The following BPIFB6 variants were observed in gnomAD, a reference collection of about 807,000 sequenced individuals.
The protein encoded by BPIFB6 is BPI fold containing family B member 6.
BPIFB6 carries 47 observed loss-of-function variants against 54.7 expected under a neutral mutation model. The ratio of observed to expected loss-of-function variants is 0.86; its 90% CI spans 0.68 to 1.10. The LOEUF is 1.10. BPIFB6 is among the 50% of genes least tolerant of loss of function. BPIFB6 has a pLI of 0.00. For missense variants in BPIFB6, 603 were observed against 564.1 expected (o/e 1.07, Z -0.70); for synonymous variants, 255 against 225.9 (o/e 1.13, Z -1.16).
chr20:33,033,188 G>A lies in BPIFB6; in HGVS notation c.197+105G>A. On this transcript the variant is annotated intron_variant, in intron 2 of 14. Transcript: ENST00000349552. ...CCAGGTAATGGAGCTGGTGAGGGAT[G>A]TGGGGTCTCTTCCCTGCCTTGTGCT... 7 of 866,152 alleles carry A rather than the reference G, an allele frequency of 8.1e-6. No homozygotes were observed. The South Asian group carries it at 9.8e-5, about 12-fold the overall frequency. The allele number at this position is 866,152 out of a possible 1,614,324, so 53.7% of individuals were successfully genotyped here.
chr20:33,038,768 C>T, intron 8 of BPIFB6, 141 bp from the exon 9 acceptor site: 1 of 821,616 alleles, frequency 1.2e-6, no homozygotes, highest in Non-Finnish European at 2.1e-6. Context: ...CCAGAAGGCA[C>T]AATATTTAGT....
At chr20:33,035,580 C>T in intron 5 of BPIFB6, 32 bp from the exon 6 acceptor site, 2 of 1,608,164 alleles carry the variant, frequency 1.2e-6, no homozygotes, top group Non-Finnish European at 1.7e-6. Flanking sequence ...CATGCAGGGA[C>T]CCTCTCAGCC....
intron 8 of BPIFB6, 108 bp downstream of exon 8, chr20:33,037,846 A>T: frequency 8.0e-7 from 1 of 1,255,396 alleles, no homozygotes; most frequent in Non-Finnish European, 1.1e-6. Context: ...CAACACTAGG[A>T]CTGGAAGATG....
chr20:33,037,559 T>C lies in BPIFB6; in HGVS notation c.670-3T>C, dbSNP rs1303091457. 3 of 1,607,668 alleles carry C rather than the reference T, an allele frequency of 1.9e-6. No individual in the cohort carries two copies. Among genetic ancestry groups the C allele is most frequent in the African/African-American group, 2.7e-5 (2 of 74,794 alleles). ...TGAGTGTCTCCCTCCTGCTGCCCCA[T>C]AGCCTGTGGTGCAGCAGCAAAAGGG... On this transcript the variant is annotated splice_region_variant and splice_polypyrimidine_tract_variant and intron_variant, in intron 7 of 14. Coordinates refer to ENST00000349552, the MANE Select transcript of BPIFB6 (RefSeq NM_174897.2).
chr20:33,037,877 C>A, intron 8 of BPIFB6, 139 bp downstream of exon 8: 1 of 888,112 alleles, frequency 1.1e-6, no homozygotes, highest in African/African-American at 1.7e-5. Context: ...TTGAGTTTCT[C>A]TCAGCAGTTC....
intron 8 of BPIFB6, 121 bp from the exon 9 acceptor site, chr20:33,038,788 A>G: frequency 2.2e-6 from 2 of 926,162 alleles, no homozygotes; most frequent in Non-Finnish European, 1.8e-6. Context: ...TTAAACTCAG[A>G]GCGTTAAGTA....
Position 33,037,606 on chromosome 20 carries a change from T to C in BPIFB6, c.714T>C (p.Asp238=), listed in dbSNP as rs377728356. The part of the protein sequence containing the change: ...QQKGKTIKLA[D]AGEALTFPEG... ...AGGGCAAAACCATCAAGCTTGCTGATGCCGGGGAGGCCCTCACGTTCCCTG... is the reference window on the plus strand; with the variant it reads ...AGGGCAAAACCATCAAGCTTGCTGACGCCGGGGAGGCCCTCACGTTCCCTG... Residue 238 remains aspartate, a synonymous_variant, in exon 8 of 15, where the codon GAT becomes GAC. Transcript: ENST00000349552. The C allele has an allele frequency of 2.4e-4, 380 of 1,613,890 alleles. No individual in the cohort carries two copies. Among genetic ancestry groups the C allele is most frequent in the Non-Finnish European group, 3.1e-4 (368 of 1,179,910 alleles).
intron 6 of BPIFB6, 124 bp downstream of exon 6, chr20:33,035,796 G>C (rs1440616177): frequency 9.8e-7 from 1 of 1,018,256 alleles, no homozygotes; most frequent in Non-Finnish European, 1.5e-6. Flanking sequence ...GGAGGCTTGA[G>C]GTCATGATGT....
Position 33,043,941 on chromosome 20 carries a change from G to A in BPIFB6, c.1330-74G>A, listed in dbSNP as rs1000774404. On this transcript the variant is annotated intron_variant, in intron 14 of 14. Coordinates refer to ENST00000349552, the MANE Select transcript of BPIFB6 (RefSeq NM_174897.2). ...CACTGGTTTCCATTTCCTGACAAGG[G>A]GCCCAGTTCCATTCCATCCCTGGGC... The A allele has an allele frequency of 5.8e-6, 9 of 1,562,516 alleles. No homozygotes were observed. In the African/African-American group the frequency reaches 9.5e-5, roughly 16 times the overall value.
chr20:33,033,388 A>G, intron 2 of BPIFB6: 1 of 486,922 alleles, frequency 2.1e-6, no homozygotes, highest in Non-Finnish European at 4.1e-6. Flanking sequence ...AATGTACGTG[A>G]AATTAAATGA....
At chr20:33,035,193 G>A (rs767667758) in intron 5 of BPIFB6, 49 bp downstream of exon 5, 5 of 1,569,706 alleles carry the variant, frequency 3.2e-6, no homozygotes, top group Non-Finnish European at 4.4e-6. Flanking sequence ...GGACTGCTTA[G>A]GCCAGGGCTG....
intron 2 of BPIFB6, 50 bp from the exon 3 acceptor site, chr20:33,034,136 G>C (rs781197234): frequency 7.3e-7 from 1 of 1,364,674 alleles, no homozygotes; most frequent in South Asian, 1.2e-5. Flanking sequence ...TGGAGGTCCT[G>C]GGTCTTGCCT....
chr20:33,043,867 CT>C, intron 14 of BPIFB6, 147 bp from the exon 15 acceptor site: 1 of 965,464 alleles, frequency 1.0e-6, no homozygotes, highest in Non-Finnish European at 1.6e-6. Flanking sequence ...GTGAAGTGAC[CT>C]CTCCAGGGTC....
At chr20:33,040,174 G>T (rs763746717) in intron 10 of BPIFB6, 77 bp from the exon 11 acceptor site, 59 of 1,288,366 alleles carry the variant, frequency 4.6e-5, no homozygotes, top group Non-Finnish European at 6.2e-5. Flanking sequence ...TGCTGGGAGG[G>T]TGGTGGTCTC....
chr20:33,033,946 A>G (rs923734745), intron 2 of BPIFB6, among the ~76,000 whole-genome samples: 4 of 152,212 alleles, frequency 2.6e-5, no homozygotes, highest in African/African-American at 4.8e-5. Flanking sequence ...GCCCAAGGTC[A>G]CACAGAGTCA....
chr20:33,031,823 G>C, intron 1 of BPIFB6, 79 bp downstream of exon 1: 1 of 1,175,632 alleles, frequency 8.5e-7, no homozygotes, highest in Non-Finnish European at 1.3e-6. Flanking sequence ...GCTCTTGGTT[G>C]CACATCCTGG....
intron 10 of BPIFB6, among the ~76,000 whole-genome samples, chr20:33,039,822 GGGAA>G (rs1248489559): frequency 6.6e-6 from 1 of 152,216 alleles, no homozygotes; most frequent in Non-Finnish European, 1.5e-5. Flanking sequence ...ATCCAATTTG[GGGAA>G]ATCACAAAGG....
rs144960021 is a variant in BPIFB6 at position 33,037,077 on chromosome 20, G to A, written c.670-485G>A. On this transcript the variant is annotated intron_variant, in intron 7 of 14. Transcript: ENST00000349552. ...GGGCTGGGCTAGGGTCCTGCAGTGA[G>A]TTGGTGTCAGAGTTGGGCCCTCACC... Among the ~76,000 whole-genome samples, 13 of 152,262 alleles carry A rather than the reference G, an allele frequency of 8.5e-5. No homozygotes were observed. The East Asian group carries it at 2.5e-3, about 29-fold the overall frequency.
chr20:33,039,509 C>T lies in BPIFB6; in HGVS notation c.1063C>T (p.Leu355Phe). The T allele has an allele frequency of 2.5e-6, 4 of 1,606,992 alleles. No individual in the cohort carries two copies. Among genetic ancestry groups the T allele is most frequent in the Non-Finnish European group, 2.5e-6 (3 of 1,176,976 alleles). ...WRSKAPMSLFLLEVHFNLKVQ... is the reference protein window; with the variant it reads ...WRSKAPMSLFFLEVHFNLKVQ... ...GAGCAAGGCTCCAATGTCCCTCTTTCTCCTAGAAGTGGTGAGGGAAATCGT... is the reference window on the plus strand; with the variant it reads ...GAGCAAGGCTCCAATGTCCCTCTTTTTCCTAGAAGTGGTGAGGGAAATCGT... The change falls in exon 10 of 15, where the codon CTC (leucine) becomes TTC (phenylalanine). Residue 355 changes from leucine to phenylalanine, a missense_variant. Leu to Phe is a conservative substitution (Grantham distance 22). Transcript: ENST00000349552.
Sources: gnomAD v4.1 joint callset for allele counts (sites outside exome capture counted in the v4.1 genomes callset) on GRCh38, gnomAD v4.1.1 for gene constraint, MANE v1.5 for transcripts, NCBI Gene and HGNC (gene_info 2026-07-23, HGNC 2026-07-21) for gene names.